The following SPATA16 variants were observed in gnomAD, a reference collection of about 807,000 sequenced individuals.
SPATA16 encodes spermatogenesis associated 16.
A neutral mutation model predicts 63.3 loss-of-function variants in SPATA16; 36 were observed. The ratio of observed to expected loss-of-function variants is 0.57; its 90% CI spans 0.44 to 0.75. The LOEUF is 0.75. Among genes scored for constraint, SPATA16 ranks in the 30% least tolerant of loss-of-function variants. The pLI is 0.00. For synonymous variants in SPATA16, 203 were observed against 216.7 expected, an observed-to-expected ratio of 0.94 and a Z score of 0.56; for missense variants, 646 against 679.3, an observed-to-expected ratio of 0.95 and a Z score of 0.54.
chr3:172,894,522 A>T (rs1270051028), intron 10 of SPATA16, among the ~76,000 whole-genome samples: 1 of 151,218 alleles, frequency 6.6e-6, no homozygotes, highest in African/African-American at 2.4e-5. Flanking sequence ...CTATATCACC[A>T]ACTCTTGAAA....
At chr3:172,892,782 G>A (rs557167879) in intron 10 of SPATA16, among the ~76,000 whole-genome samples, 9 of 152,130 alleles carry the variant, frequency 5.9e-5, no homozygotes, top group Non-Finnish European at 1.3e-4. Context: ...TTGAAGCAGA[G>A]GCTTTATTAG....
At chr3:173,051,392 C>T (rs71310535) in intron 2 of SPATA16, among the ~76,000 whole-genome samples, 3 of 152,018 alleles carry the variant, frequency 2.0e-5, no homozygotes, top group Non-Finnish European at 2.9e-5. Flanking sequence ...TTAGTAGAGA[C>T]GGGGTTTCAC....
intron 1 of SPATA16, among the ~76,000 whole-genome samples, chr3:173,124,455 C>T (rs1263767512): frequency 6.6e-6 from 1 of 152,202 alleles, no homozygotes; most frequent in Non-Finnish European, 1.5e-5. Flanking sequence ...TTGGCTCTTT[C>T]CAAGGTTAAT....
intron 4 of SPATA16, among the ~76,000 whole-genome samples, chr3:172,982,213 C>T (rs1029587129): frequency 7.2e-5 from 11 of 152,184 alleles, no homozygotes; most frequent in Admixed American, 2.0e-4. Context: ...CTAGCAGAAG[C>T]AGTCTGGCCT....
intron 5 of SPATA16, among the ~76,000 whole-genome samples, chr3:172,957,611 G>A (rs1733632109): frequency 6.6e-6 from 1 of 152,010 alleles, no homozygotes; most frequent in African/African-American, 2.4e-5. Flanking sequence ...AGTGTCTATG[G>A]TTACCTCAGT....
chr3:173,059,552 A>G (rs1736326460), intron 2 of SPATA16, among the ~76,000 whole-genome samples: 1 of 151,636 alleles, frequency 6.6e-6, no homozygotes, highest in Non-Finnish European at 1.5e-5. Flanking sequence ...CAGCTTTTTT[A>G]TGAAGAGTTA....
At chr3:173,121,346 T>C (rs1283235936) in intron 1 of SPATA16, among the ~76,000 whole-genome samples, 2 of 152,208 alleles carry the variant, frequency 1.3e-5, no homozygotes, top group African/African-American at 4.8e-5. Context: ...ATGTGTGTTT[T>C]CAGCCTTATT....
intron 6 of SPATA16, among the ~76,000 whole-genome samples, chr3:172,954,683 G>GA (rs1320651637): frequency 3.9e-5 from 6 of 152,100 alleles, no homozygotes; most frequent in African/African-American, 1.4e-4. Flanking sequence ...TTGCCTGGGG[G>GA]AAAAAGAGTT....
At chr3:173,038,967 G>T (rs1735778256) in intron 3 of SPATA16, among the ~76,000 whole-genome samples, 1 of 152,144 alleles carries the variant, frequency 6.6e-6, no homozygotes, top group African/African-American at 2.4e-5. Context: ...AGAAAGTCAA[G>T]GCTAGCCAGC....
At chr3:173,103,655 A>G (rs1737547642) in intron 2 of SPATA16, among the ~76,000 whole-genome samples, 1 of 152,178 alleles carries the variant, frequency 6.6e-6, no homozygotes, top group Non-Finnish European at 1.5e-5. Flanking sequence ...AGGACATGAA[A>G]CCATTATTTC....
intron 4 of SPATA16, among the ~76,000 whole-genome samples, chr3:172,983,133 G>A (rs968119283): frequency 2.6e-5 from 4 of 152,156 alleles, no homozygotes; most frequent in Non-Finnish European, 4.4e-5. Context: ...TGATTCCAGA[G>A]TTTCAGAGCC....
chr3:172,910,888 A>T (rs1262695056), intron 10 of SPATA16, among the ~76,000 whole-genome samples: 2 of 152,172 alleles, frequency 1.3e-5, no homozygotes, highest in African/African-American at 4.8e-5. Flanking sequence ...TTCCTGTTGG[A>T]TGTCTTGCCA....
chr3:173,121,605 C>A, intron 1 of SPATA16, among the ~76,000 whole-genome samples: 1 of 151,692 alleles, frequency 6.6e-6, no homozygotes. Context: ...AATAAATTCC[C>A]TAAAAGCAGA....
At chr3:172,925,243 C>T in intron 7 of SPATA16, 103 bp downstream of exon 7, 1 of 1,312,004 alleles carries the variant, frequency 7.6e-7, no homozygotes, top group Non-Finnish European at 1.1e-6. Flanking sequence ...AACTAACCCA[C>T]AAAGAAGATT....
chr3:172,986,927 G>T (rs1053398904), intron 4 of SPATA16, among the ~76,000 whole-genome samples: 2 of 152,254 alleles, frequency 1.3e-5, no homozygotes, highest in Middle Eastern at 6.8e-3. Flanking sequence ...TTGAGATAAT[G>T]ACACCATTCT....
At chr3:172,979,467 A>G (rs1426168084) in intron 4 of SPATA16, among the ~76,000 whole-genome samples, 1 of 152,128 alleles carries the variant, frequency 6.6e-6, no homozygotes, top group Non-Finnish European at 1.5e-5. Flanking sequence ...CTAAATTGAT[A>G]AGAATTTTTA....
At chr3:172,934,249 A>G (rs1732932833) in intron 6 of SPATA16, among the ~76,000 whole-genome samples, 1 of 152,114 alleles carries the variant, frequency 6.6e-6, no homozygotes, top group Non-Finnish European at 1.5e-5. Flanking sequence ...TTCTGTTCAG[A>G]CTGGTAACCT....
At chr3:172,998,322 G>T (rs1384974284) in intron 4 of SPATA16, among the ~76,000 whole-genome samples, 3 of 152,032 alleles carry the variant, frequency 2.0e-5, no homozygotes, top group African/African-American at 7.2e-5. Context: ...TTAATGTAAT[G>T]ATTTTAACTT....
intron 3 of SPATA16, among the ~76,000 whole-genome samples, chr3:173,030,062 CTA>C (rs1735566234): frequency 2.7e-3 from 1 of 368 alleles, no homozygotes; most frequent in African/African-American, 5.1e-3. Context: ...ACTTTACTAT[CTA>C]TCTATCTATC....
Sources: gnomAD v4.1 joint callset for allele counts (sites outside exome capture counted in the v4.1 genomes callset) on GRCh38, gnomAD v4.1.1 for gene constraint, MANE v1.5 for transcripts, NCBI Gene and HGNC (gene_info 2026-07-23, HGNC 2026-07-21) for gene names.